The following LMBR1 variants were observed in gnomAD, a reference collection of about 807,000 sequenced individuals.
The protein encoded by LMBR1 is limb region 1 protein homolog.
LMBR1 carries 52 observed loss-of-function variants against 73.9 expected under a neutral mutation model. That is an observed-to-expected ratio of 0.70 (90% CI 0.56 to 0.89). LMBR1 has a LOEUF of 0.89. LMBR1 is among the 40% of genes least tolerant of loss of function. LMBR1 has a pLI of 0.00. For synonymous variants in LMBR1, 215 were observed against 209.4 expected, an observed-to-expected ratio of 1.03 and a Z score of -0.23; for missense variants, 539 against 579.8, an observed-to-expected ratio of 0.93 and a Z score of 0.72.
At position 156,684,041 on chromosome 7, in the gene LMBR1, C is replaced by T. The variant is rs565722197; in HGVS notation, c.*37G>A. On this transcript the variant is annotated 3_prime_UTR_variant, in exon 17 of 17. Transcript: ENST00000353442. ...AGGAATGTCGTGAATCTGGAGTTCT[C>T]GGGTCTCTTGGTGGCAGAAGACGCC... is the stretch of plus-strand genomic sequence containing the variant. 29 of 1,518,590 alleles carry T rather than the reference C, an allele frequency of 1.9e-5. No homozygotes were observed. The highest frequency in any genetic ancestry group is 3.4e-5 in the South Asian group (3 of 88,858). The allele number at this position is 1,518,590 out of a possible 1,614,324, so 94.1% of individuals were successfully genotyped here.
chr7:156,855,124 G>C (rs897523703), intron 1 of LMBR1, among the ~76,000 whole-genome samples: 4 of 152,152 alleles, frequency 2.6e-5, no homozygotes, highest in Non-Finnish European at 5.9e-5. Flanking sequence ...GGGATTATGA[G>C]AGTCTGAATT....
intron 15 of LMBR1, among the ~76,000 whole-genome samples, chr7:156,692,341 T>C (rs529853324): frequency 6.6e-6 from 1 of 152,322 alleles, no homozygotes; most frequent in Admixed American, 6.5e-5. Context: ...CCTCCCAAAG[T>C]GCTGGGATTA....
intron 1 of LMBR1, among the ~76,000 whole-genome samples, chr7:156,839,449 C>T (rs1016395463): frequency 1.3e-5 from 2 of 152,024 alleles, no homozygotes; most frequent in Non-Finnish European, 2.9e-5. Context: ...CAGGAGATCT[C>T]GTTACAGTCA....
chr7:156,867,028 G>C (rs1798571433), intron 1 of LMBR1, among the ~76,000 whole-genome samples: 1 of 152,124 alleles, frequency 6.6e-6, no homozygotes, highest in Admixed American at 6.5e-5. Context: ...CACAGCATTG[G>C]TGACTTTCAC....
chr7:156,724,496 G>A (rs80053687), intron 14 of LMBR1, among the ~76,000 whole-genome samples: 4,865 of 152,064 alleles, frequency 0.032, 123 homozygotes, highest in South Asian at 0.084. Context: ...TGCCTGTCAA[G>A]CAAAAAATAA....
intron 15 of LMBR1, among the ~76,000 whole-genome samples, chr7:156,703,256 G>A (rs536057558): frequency 6.6e-6 from 1 of 152,310 alleles, no homozygotes; most frequent in Non-Finnish European, 1.5e-5. Context: ...GAGTTAGGGG[G>A]ACTTGGGCTG....
intron 1 of LMBR1, among the ~76,000 whole-genome samples, chr7:156,877,768 A>G (rs1309115744): frequency 6.6e-6 from 1 of 152,002 alleles, no homozygotes; most frequent in Non-Finnish European, 1.5e-5. Flanking sequence ...CTGTAGTCCC[A>G]GCTACTCGGG....
intron 3 of LMBR1, among the ~76,000 whole-genome samples, chr7:156,831,814 C>T (rs887180938): frequency 7.2e-5 from 11 of 152,194 alleles, no homozygotes; most frequent in African/African-American, 2.2e-4. Flanking sequence ...TTATAAATTA[C>T]GGATCTACGA....
rs1456463827 is a variant in LMBR1 at position 156,681,895 on chromosome 7, C to T, written c.*2183G>A. The stretch of plus-strand genomic sequence containing the variant: ...TCTGGAGTTCGTCATATAAAGCAGC[C>T]TCCGACCTAGCTCCAATGGAAGCAC... On this transcript the variant is annotated 3_prime_UTR_variant, in exon 17 of 17. Coordinates refer to ENST00000353442, the MANE Select transcript of LMBR1 (RefSeq NM_022458.4). 1 of 152,278 alleles carries T rather than the reference C, an allele frequency of 6.6e-6. No homozygotes were observed. Among genetic ancestry groups the T allele is most frequent in the East Asian group, 1.9e-4 (1 of 5,198 alleles). The allele number at this position is 152,278 out of a possible 1,614,324, so 9.4% of individuals were successfully genotyped here.
intron 5 of LMBR1, among the ~76,000 whole-genome samples, chr7:156,794,293 A>C (rs1051216910): frequency 6.6e-6 from 1 of 152,192 alleles, no homozygotes; most frequent in East Asian, 1.9e-4. Context: ...AAGACTAAAA[A>C]TTTTTTTAAA....
At chr7:156,868,334 C>G (rs1798770240) in intron 1 of LMBR1, among the ~76,000 whole-genome samples, 1 of 151,558 alleles carries the variant, frequency 6.6e-6, no homozygotes, top group Non-Finnish European at 1.5e-5. Context: ...GCTGGTATTA[C>G]AGGCACACAC....
At chr7:156,860,183 G>A (rs1797538720) in intron 1 of LMBR1, among the ~76,000 whole-genome samples, 1 of 152,142 alleles carries the variant, frequency 6.6e-6, no homozygotes, top group African/African-American at 2.4e-5. Flanking sequence ...ATCAGAAACT[G>A]GCAATTTACA....
rs189934695 is a variant in LMBR1, at chr7:156,772,345, T to A, written c.424-8550A>T. The stretch of plus-strand genomic sequence containing the variant: ...CTATAAAATTCAACATCCCTTCATG[T>A]TAAAAACTCTCAACAAACTAGGCTT... On this transcript the variant is annotated intron_variant, in intron 5 of 16. Coordinates refer to ENST00000353442, the MANE Select transcript of LMBR1 (RefSeq NM_022458.4). 2.6e-5 allele frequency among the ~76,000 whole-genome samples: 4 copies of A among 152,226 alleles called. No homozygotes were observed. The South Asian group carries it at 6.2e-4, about 24-fold the overall frequency.
chr7:156,822,075 C>T (rs1285731156), intron 4 of LMBR1, among the ~76,000 whole-genome samples: 4 of 152,160 alleles, frequency 2.6e-5, no homozygotes, highest in Admixed American at 2.6e-4. Context: ...AAAATACATG[C>T]CTTTGCTTAC....
chr7:156,852,172 TAATATAAC>T (rs1403391404), intron 1 of LMBR1, among the ~76,000 whole-genome samples: 1 of 152,216 alleles, frequency 6.6e-6, no homozygotes, highest in East Asian at 1.9e-4. Context: ...TAACAAATAA[TAATATAAC>T]AATAAACACC....
intron 16 of LMBR1, 79 bp from the exon 17 acceptor site, chr7:156,684,242 A>G (rs976786898): frequency 9.4e-7 from 1 of 1,066,326 alleles, no homozygotes; most frequent in Non-Finnish European, 1.4e-6. Context: ...GGAGAAGAGG[A>G]GATTTACAAA....
intron 15 of LMBR1, among the ~76,000 whole-genome samples, chr7:156,703,369 T>A (rs554744547): frequency 6.6e-6 from 1 of 152,334 alleles, no homozygotes; most frequent in African/African-American, 2.4e-5. Context: ...GGAACCAGGC[T>A]GTCTCCTAAG....
In LMBR1 at chr7:156,763,444, CA is replaced by C. The variant is rs56125376; in HGVS notation, c.550+224del. On this transcript the variant is annotated intron_variant, in intron 6 of 16. Transcript: ENST00000353442. The stretch of plus-strand genomic sequence containing the variant: ...AAGAACAGAAACCAATTAACAAAAA[CA>C]AAAAAAAAAAATCTGAAAAGCTGCT... Among the ~76,000 whole-genome samples, 141,295 of 149,568 alleles carry C rather than the reference CA, an allele frequency of 0.94. 66,760 individuals are homozygous for C. Among genetic ancestry groups the C allele is most frequent in the Middle Eastern group, 0.98 (283 of 288 alleles).
At chr7:156,705,168 A>G (rs1008405914) in intron 15 of LMBR1, among the ~76,000 whole-genome samples, 10 of 152,256 alleles carry the variant, frequency 6.6e-5, no homozygotes, top group African/African-American at 2.4e-4. Context: ...AAGTGAAAGA[A>G]TTCTAAAATC....
Sources: gnomAD v4.1 joint callset for allele counts (sites outside exome capture counted in the v4.1 genomes callset) on GRCh38, gnomAD v4.1.1 for gene constraint, MANE v1.5 for transcripts, NCBI Gene and HGNC (gene_info 2026-07-23, HGNC 2026-07-21) for gene names.